The following SMARCC1 variants were observed in gnomAD, a reference collection of about 807,000 sequenced individuals.
The protein encoded by SMARCC1 is SWI/SNF complex subunit SMARCC1.
SMARCC1 carries 43 observed loss-of-function variants against 147.4 expected under a neutral mutation model. The observed-to-expected ratio is 0.29, with a 90% confidence interval of 0.23 to 0.38. The LOEUF (loss-of-function observed/expected upper bound fraction) is 0.38. Among genes scored for constraint, SMARCC1 ranks in the 10% least tolerant of loss-of-function variants. SMARCC1 has a pLI of 1.00. For missense variants in SMARCC1, 1,119 were observed against 1,381.1 expected (o/e 0.81, Z 3.01); for synonymous variants, 495 against 484.4 (o/e 1.02, Z -0.29).
intron 2 of SMARCC1, among the ~76,000 whole-genome samples, chr3:47,755,103 C>T (rs1456126368): frequency 1.3e-5 from 2 of 151,848 alleles, no homozygotes; most frequent in Admixed American, 6.6e-5. Context: ...CCCAGCTACT[C>T]GCGAGGCCGA....
intron 2 of SMARCC1, among the ~76,000 whole-genome samples, chr3:47,753,206 T>A (rs531394307): frequency 1.3e-5 from 2 of 151,194 alleles, no homozygotes; most frequent in Admixed American, 1.3e-4. Context: ...ACGTCTGTAG[T>A]CCCAGCTACT....
intron 3 of SMARCC1, 77 bp from the exon 4 acceptor site, chr3:47,738,187 G>T: frequency 1.2e-6 from 1 of 865,776 alleles, no homozygotes; most frequent in Non-Finnish European, 1.8e-6. Context: ...AGAATTCGAT[G>T]CAAATGAGTT....
intron 7 of SMARCC1, among the ~76,000 whole-genome samples, chr3:47,720,392 G>T (rs1044978286): frequency 2.6e-5 from 4 of 152,024 alleles, no homozygotes; most frequent in Non-Finnish European, 1.5e-5. Context: ...AAAGTGCTGG[G>T]ATTACAAGCA....
At chr3:47,614,133 T>C (rs1320704168) in intron 25 of SMARCC1, among the ~76,000 whole-genome samples, 1 of 152,194 alleles carries the variant, frequency 6.6e-6, no homozygotes, top group African/African-American at 2.4e-5. Context: ...AGAAATTCAC[T>C]GAAAAAACCC....
intron 9 of SMARCC1, among the ~76,000 whole-genome samples, chr3:47,710,267 G>A (rs1344822698): frequency 6.6e-6 from 1 of 152,110 alleles, no homozygotes; most frequent in Non-Finnish European, 1.5e-5. Context: ...GCAGTGAGCC[G>A]AGATAGTGCC....
chr3:47,745,586 G>A (rs530605768), intron 3 of SMARCC1, among the ~76,000 whole-genome samples: 6 of 152,126 alleles, frequency 3.9e-5, no homozygotes, highest in East Asian at 3.9e-4. Flanking sequence ...GGTGGTGCAC[G>A]CCTACAGTCC....
intron 26 of SMARCC1, among the ~76,000 whole-genome samples, chr3:47,594,621 G>A (rs2106642871): frequency 6.6e-6 from 1 of 152,202 alleles, no homozygotes; most frequent in East Asian, 1.9e-4. Flanking sequence ...ACTATGGAAG[G>A]AGCAAGCCAA....
chr3:47,773,880 C>T (rs2034943988), intron 1 of SMARCC1, among the ~76,000 whole-genome samples: 1 of 152,154 alleles, frequency 6.6e-6, no homozygotes, highest in Non-Finnish European at 1.5e-5. Context: ...GATCCGCCCA[C>T]TTCGGCCACC....
intron 25 of SMARCC1, 52 bp from the exon 26 acceptor site, chr3:47,610,379 T>A: frequency 6.2e-7 from 1 of 1,603,860 alleles, no homozygotes; most frequent in Non-Finnish European, 8.5e-7. Context: ...GCTTTCAGGA[T>A]TGGATAACAC....
intron 21 of SMARCC1, among the ~76,000 whole-genome samples, chr3:47,656,687 G>A (rs2033265897): frequency 6.6e-6 from 1 of 152,156 alleles, no homozygotes; most frequent in African/African-American, 2.4e-5. Context: ...GGCAGACATG[G>A]GTGGATCACT....
chr3:47,765,287 A>G (rs1250402838), intron 2 of SMARCC1, among the ~76,000 whole-genome samples: 1 of 151,546 alleles, frequency 6.6e-6, no homozygotes, highest in African/African-American at 2.4e-5. Context: ...AACGGCAAGG[A>G]AAAGATTATC....
intron 21 of SMARCC1, among the ~76,000 whole-genome samples, chr3:47,641,850 C>T (rs550393009): frequency 6.6e-6 from 1 of 152,248 alleles, no homozygotes; most frequent in African/African-American, 2.4e-5. Flanking sequence ...TAGCTCACTG[C>T]AGCCTCAAAC....
intron 18 of SMARCC1, among the ~76,000 whole-genome samples, chr3:47,674,178 ATAT>A (rs1461387029): frequency 5.1e-4 from 77 of 152,206 alleles, no homozygotes; most frequent in Non-Finnish European, 1.0e-3. Context: ...TAAATCCCAA[ATAT>A]TATTGTTTAA....
Position 47,723,041 on chromosome 3 carries a change from G to A in SMARCC1, c.647-2306C>T, listed in dbSNP as rs1035032146. ...CCTCGCCCTGGAATGATTTAGAAAA[G>A]GGGAAATACTGGTTTGGTGTGTGAG... is the stretch of plus-strand genomic sequence containing the variant. On this transcript the variant is annotated intron_variant, in intron 6 of 27. Coordinates refer to ENST00000254480, the MANE Select transcript of SMARCC1 (RefSeq NM_003074.4). Among the ~76,000 whole-genome samples, 11 of 152,144 alleles carry A rather than the reference G, an allele frequency of 7.2e-5. No homozygotes were observed. The East Asian group carries it at 1.7e-3, about 24-fold the overall frequency.
At chr3:47,644,568 C>G (rs2033093856) in intron 21 of SMARCC1, among the ~76,000 whole-genome samples, 1 of 152,190 alleles carries the variant, frequency 6.6e-6, no homozygotes, top group South Asian at 2.1e-4. Flanking sequence ...AGTGCAGTAA[C>G]ATGCTCCCAG....
chr3:47,743,917 A>G (rs1286751073), intron 3 of SMARCC1, among the ~76,000 whole-genome samples: 1 of 152,156 alleles, frequency 6.6e-6, no homozygotes, highest in Non-Finnish European at 1.5e-5. Context: ...TTCTATCCTC[A>G]AGTGTCCAGG....
intron 18 of SMARCC1, among the ~76,000 whole-genome samples, chr3:47,675,102 A>G (rs1705836431): frequency 6.6e-6 from 1 of 151,178 alleles, no homozygotes; most frequent in Non-Finnish European, 1.5e-5. Context: ...CCTCAATCCA[A>G]TTTTTTCTCT....
intron 4 of SMARCC1, among the ~76,000 whole-genome samples, chr3:47,736,635 C>A (rs1384491205): frequency 6.6e-6 from 1 of 152,024 alleles, no homozygotes; most frequent in Admixed American, 6.6e-5. Flanking sequence ...CGAGATCACA[C>A]CACTGAACTC....
At chr3:47,774,179 C>T (rs190113917) in intron 1 of SMARCC1, among the ~76,000 whole-genome samples, 2 of 150,992 alleles carry the variant, frequency 1.3e-5, no homozygotes, top group Admixed American at 6.6e-5. Flanking sequence ...AAAGGGCACA[C>T]AATTTCTGCT....
Sources: allele counts gnomAD v4.1 joint callset (sites outside exome capture counted in the v4.1 genomes callset), GRCh38; gene constraint gnomAD v4.1.1; transcripts MANE v1.5; gene names NCBI Gene and HGNC (gene_info 2026-07-23, HGNC 2026-07-21).